Variants in RP1 observed in about 807,000 individuals in gnomAD.
RP1 encodes the protein oxygen-regulated protein 1.
RP1 carries 16 observed loss-of-function variants against 14.8 expected under a neutral mutation model. The ratio of observed to expected loss-of-function variants is 1.08; its 90% CI spans 0.73 to 1.65. RP1 has a LOEUF of 1.65. Among genes scored for constraint, RP1 ranks in the 40% most tolerant of loss-of-function variants. The pLI is 0.00. For missense variants in RP1, 2,631 were observed against 2,535.0 expected, an observed-to-expected ratio of 1.04 and a Z score of -0.81; for synonymous variants, 876 against 883.6, an observed-to-expected ratio of 0.99 and a Z score of 0.15.
intron 12 of RP1, among the ~76,000 whole-genome samples, chr8:54,691,749 A>G (rs1057187116): frequency 1.3e-5 from 2 of 151,990 alleles, no homozygotes; most frequent in African/African-American, 4.8e-5. Context: ...TAAAATGCAG[A>G]TTAATAGGGG....
At chr8:54,865,506 A>T (rs1047770316) in intron 27 of RP1, among the ~76,000 whole-genome samples, 1 of 152,058 alleles carries the variant, frequency 6.6e-6, no homozygotes, top group Non-Finnish European at 1.5e-5. Context: ...TAAACTTATA[A>T]ATCTTCTATG....
chr8:54,573,349 G>A lies in RP1; in HGVS notation c.-13+14029G>A, dbSNP rs568546542. 1.8e-4 allele frequency among the ~76,000 whole-genome samples: 27 copies of A among 152,250 alleles called. 1 individual carries two copies. In the South Asian group the frequency reaches 4.1e-3, roughly 23 times the overall value. ...GTGTGGCATTCAGTTTTAAGGACGCGAACATCACTATTGTGAAAAGAGAGG... is the reference window on the plus strand; with the variant it reads ...GTGTGGCATTCAGTTTTAAGGACGCAAACATCACTATTGTGAAAAGAGAGG... On this transcript the variant is annotated intron_variant, in intron 1 of 22. Coordinates refer to the RP1 transcript ENST00000636932.
chr8:54,848,637 G>T (rs1163218242), intron 25 of RP1, among the ~76,000 whole-genome samples: 1 of 152,112 alleles, frequency 6.6e-6, no homozygotes, highest in Non-Finnish European at 1.5e-5. Context: ...TGATGCAGTG[G>T]TATTATAACA....
chr8:54,861,886 G>A (rs1812350985), intron 27 of RP1, among the ~76,000 whole-genome samples: 1 of 152,196 alleles, frequency 6.6e-6, no homozygotes, highest in Non-Finnish European at 1.5e-5. Context: ...ACAGGCATGA[G>A]CCACTGGGCA....
intron 22 of RP1, among the ~76,000 whole-genome samples, chr8:54,765,888 T>C (rs1302919358): frequency 2.0e-5 from 3 of 152,220 alleles, no homozygotes; most frequent in Non-Finnish European, 4.4e-5. Flanking sequence ...TTGTCTCAGG[T>C]ACCAGATGAT....
chr8:54,670,499 ATATATACACATATATATGTATGTG>A lies in RP1; in HGVS notation c.1324-3344_1324-3321del, dbSNP rs1302042906. On this transcript the variant is annotated intron_variant, in intron 7 of 22. Coordinates refer to the RP1 transcript ENST00000636932. ...TAGGTTTACATATGTAAGTATGTAT[ATATATACACATATATATGTATGTG>A]TATATATATACATATATATGTATGT... Among the ~76,000 whole-genome samples the A allele has an allele frequency of 2.7e-4, 16 of 58,864 alleles. 1 individual carries two copies. Among genetic ancestry groups the A allele is most frequent in the South Asian group, 5.4e-4 (1 of 1,842 alleles). The allele number at this position is 58,864 out of a possible 152,430, so 38.6% of individuals were successfully genotyped here.
intron 12 of RP1, among the ~76,000 whole-genome samples, chr8:54,697,281 G>A (rs187434515): frequency 5.9e-5 from 9 of 152,280 alleles, no homozygotes; most frequent in African/African-American, 9.6e-5. Flanking sequence ...CTGGCCGGGC[G>A]TGATGGCTCA....
intron 27 of RP1, chr8:54,865,729 A>G: frequency 2.4e-6 from 1 of 415,844 alleles, no homozygotes; most frequent in Non-Finnish European, 4.1e-6. Context: ...TTGTACCTTG[A>G]CATGTGTACT....
At chr8:54,805,106 G>T (rs1293224612) in intron 24 of RP1, among the ~76,000 whole-genome samples, 1 of 152,196 alleles carries the variant, frequency 6.6e-6, no homozygotes, top group Non-Finnish European at 1.5e-5. Context: ...GGCAGTGCCT[G>T]AATTTTGAGA....
intron 1 of RP1, among the ~76,000 whole-genome samples, chr8:54,592,011 C>G (rs1479717346): frequency 6.6e-6 from 1 of 152,170 alleles, no homozygotes; most frequent in Non-Finnish European, 1.5e-5. Flanking sequence ...GGGAAATAGT[C>G]TCTACTGCTT....
chr8:54,745,860 A>G (rs971931271), intron 19 of RP1, among the ~76,000 whole-genome samples: 3 of 152,168 alleles, frequency 2.0e-5, no homozygotes. Context: ...CTTTCATAGT[A>G]CTCACATTTG....
intron 6 of RP1, among the ~76,000 whole-genome samples, chr8:54,659,921 C>A (rs1806848637): frequency 1.3e-5 from 2 of 151,984 alleles, no homozygotes; most frequent in African/African-American, 2.4e-5. Context: ...CTGTACATAT[C>A]TTTTGCTGCC....
At chr8:54,838,292 A>C (rs1811709859) in intron 25 of RP1, among the ~76,000 whole-genome samples, 2 of 152,170 alleles carry the variant, frequency 1.3e-5, no homozygotes, top group South Asian at 4.1e-4. Flanking sequence ...CTTGAAAGCA[A>C]ACTCACCCAA....
intron 19 of RP1, among the ~76,000 whole-genome samples, chr8:54,739,545 A>C (rs567251555): frequency 1.3e-5 from 2 of 152,308 alleles, no homozygotes; most frequent in East Asian, 1.9e-4. Context: ...TAATCTGTTC[A>C]TAGAAATCTG....
chr8:54,584,694 G>T (rs1008892091), intron 1 of RP1, among the ~76,000 whole-genome samples: 15 of 152,140 alleles, frequency 9.9e-5, no homozygotes, highest in African/African-American at 3.4e-4. Flanking sequence ...CCTGTATTGG[G>T]TGCATATATA....
intron 16 of RP1, among the ~76,000 whole-genome samples, chr8:54,722,679 ACTTTTT>A (rs1808565426): frequency 1.3e-5 from 2 of 152,080 alleles, no homozygotes; most frequent in African/African-American, 4.8e-5. Context: ...TTAAGCTGAA[ACTTTTT>A]TTTTCAGCTT....
At chr8:54,790,195 G>T (rs1810429607) in intron 24 of RP1, among the ~76,000 whole-genome samples, 1 of 152,202 alleles carries the variant, frequency 6.6e-6, no homozygotes, top group Non-Finnish European at 1.5e-5. Context: ...CCTACTGGTT[G>T]CAGAGACCAC....
upstream of RP1, among the ~76,000 whole-genome samples, chr8:54,613,443 T>A (rs1281787384): frequency 6.6e-6 from 1 of 152,168 alleles, no homozygotes; most frequent in Non-Finnish European, 1.5e-5. Context: ...AGGCAGAGGA[T>A]CATTCCTTTA....
chr8:54,848,891 G>A (rs1260861765), intron 25 of RP1, among the ~76,000 whole-genome samples: 1 of 152,142 alleles, frequency 6.6e-6, no homozygotes, highest in Non-Finnish European at 1.5e-5. Context: ...TGAGATTACA[G>A]GCGCCTGCCA....
Sources: allele counts gnomAD v4.1 joint callset (sites outside exome capture counted in the v4.1 genomes callset), GRCh38; gene constraint gnomAD v4.1.1; transcripts MANE v1.5; gene names NCBI Gene and HGNC (gene_info 2026-07-23, HGNC 2026-07-21).